The following AFP variants were observed in gnomAD, a reference collection of about 807,000 sequenced individuals.
AFP encodes alpha fetoprotein.
A neutral mutation model predicts 78.9 loss-of-function variants in AFP; 64 were observed. The ratio of observed to expected loss-of-function variants is 0.81; its 90% CI spans 0.66 to 1.00. The LOEUF is 1.00. Among genes scored for constraint, AFP ranks in the 50% least tolerant of loss-of-function variants. The probability of loss-of-function intolerance (pLI) is 0.00; values close to 1 mark genes in which losing one functional copy is unlikely to be tolerated. For missense variants in AFP, 689 were observed against 703.8 expected (o/e 0.98, Z 0.24); for synonymous variants, 254 against 243.8 (o/e 1.04, Z -0.39).
intron 10 of AFP, among the ~76,000 whole-genome samples, chr4:73,450,361 C>T (rs543807380): frequency 1.3e-3 from 195 of 152,184 alleles, no homozygotes; most frequent in African/African-American, 4.4e-3. Context: ...AATGAAGCTC[C>T]GAGGTTGAGA....
intron 11 of AFP, among the ~76,000 whole-genome samples, chr4:73,451,285 A>G (rs1159113383): frequency 6.6e-6 from 1 of 152,212 alleles, no homozygotes; most frequent in African/African-American, 2.4e-5. Context: ...CTGAATAGTA[A>G]AATGACTTTC....
At chr4:73,437,073 C>A (rs1271079037) in intron 1 of AFP, 87 bp from the exon 2 acceptor site, 38 of 1,040,258 alleles carry the variant, frequency 3.7e-5, no homozygotes, top group Non-Finnish European at 5.7e-5. Context: ...ACAGTTCTAA[C>A]TGAAACACAA....
chr4:73,436,918 G>A (rs1057390083), intron 1 of AFP, among the ~76,000 whole-genome samples: 2 of 151,766 alleles, frequency 1.3e-5, no homozygotes, highest in Non-Finnish European at 2.9e-5. Context: ...CCAAACAACT[G>A]GAAGACAAAA....
intron 10 of AFP, 130 bp from the exon 11 acceptor site, chr4:73,450,485 C>T: frequency 7.4e-7 from 1 of 1,343,286 alleles, no homozygotes; most frequent in South Asian, 1.2e-5. Flanking sequence ...GTTCAAATAC[C>T]ATGTAGATGA....
chr4:73,446,940 G>A (rs1019182280), intron 7 of AFP, among the ~76,000 whole-genome samples: 7 of 152,092 alleles, frequency 4.6e-5, no homozygotes, highest in African/African-American at 1.2e-4. Context: ...CACTAAAACG[G>A]GAGACAAGTT....
chr4:73,440,743 C>G lies in AFP; in HGVS notation c.412C>G (p.Leu138Val), dbSNP rs752874579. ...AAAGCCCACTCCAGCATCGATCCCACTTTTCCAAGTTCCAGAACCTGTCAC... is the reference window on the plus strand; with the variant it reads ...AAAGCCCACTCCAGCATCGATCCCAGTTTTCCAAGTTCCAGAACCTGTCAC... ...HKKPTPASIP[L>V]FQVPEPVTSC... Residue 138 changes from leucine to valine, a missense_variant, in exon 4 of 15, where the codon CTT becomes GTT. By Grantham distance (32) the Leu-to-Val change is conservative. Transcript: ENST00000395792. The G allele has an allele frequency of 6.2e-7, 1 of 1,614,184 alleles. No individual in the cohort carries two copies. The highest frequency in any genetic ancestry group is 8.5e-7 in the Non-Finnish European group (1 of 1,180,034).
chr4:73,438,265 C>T lies in AFP; in HGVS notation c.229C>T (p.Pro77Ser). 6.2e-7 allele frequency: 1 copy of T among 1,613,360 alleles called. No individual in the cohort carries two copies. The highest frequency in any genetic ancestry group is 8.5e-7 in the Non-Finnish European group (1 of 1,179,516). Reference sequence around the variant, plus strand: ...AGATGCATTGACTGCAATTGAGAAACCCACTGGAGATGAACAGTCTTCAGG... The same window carrying T: ...AGATGCATTGACTGCAATTGAGAAATCCACTGGAGATGAACAGTCTTCAGG... ...VKDALTAIEK[P>S]TGDEQSSGCL... The change falls in exon 3 of 15, where the codon CCC becomes TCC. Residue 77 changes from proline (P) to serine (S), a missense_variant. Coordinates refer to ENST00000395792, the MANE Select transcript of AFP (RefSeq NM_001134.3).
intron 3 of AFP, among the ~76,000 whole-genome samples, chr4:73,440,302 T>A (rs1719621328): frequency 6.6e-6 from 1 of 152,114 alleles, no homozygotes; most frequent in Non-Finnish European, 1.5e-5. Flanking sequence ...AGTTTATATA[T>A]CCTAGTCCAA....
chr4:73,445,783 A>G (rs1387815487), intron 7 of AFP, among the ~76,000 whole-genome samples: 1 of 152,226 alleles, frequency 6.6e-6, no homozygotes, highest in Admixed American at 6.5e-5. Context: ...AGAAAACAAA[A>G]TTTAAAAAAC....
At chr4:73,445,149 A>T in intron 7 of AFP, 27 bp downstream of exon 7, 1 of 1,612,708 alleles carries the variant, frequency 6.2e-7, no homozygotes, top group Non-Finnish European at 8.5e-7. Context: ...CTTAAAATAG[A>T]AGATTTTCAC....
intron 2 of AFP, among the ~76,000 whole-genome samples, chr4:73,437,861 T>C (rs1367373821): frequency 6.6e-6 from 1 of 151,728 alleles, no homozygotes; most frequent in Non-Finnish European, 1.5e-5. Context: ...CCATAAAGAA[T>C]ATAGATACCC....
intron 8 of AFP, among the ~76,000 whole-genome samples, chr4:73,448,482 A>G (rs1374587782): frequency 6.6e-6 from 1 of 152,182 alleles, no homozygotes; most frequent in Non-Finnish European, 1.5e-5. Flanking sequence ...ATATTACTCT[A>G]TTATTGCATT....
At chr4:73,446,984 A>T (rs1719848802) in intron 7 of AFP, among the ~76,000 whole-genome samples, 1 of 152,042 alleles carries the variant, frequency 6.6e-6, no homozygotes, top group Admixed American at 6.6e-5. Context: ...TCACGTTCTC[A>T]CTCTATTTGC....
At chr4:73,449,174 A>C (rs1469897795) in intron 8 of AFP, among the ~76,000 whole-genome samples, 161 bp from the exon 9 acceptor site, 1 of 152,186 alleles carries the variant, frequency 6.6e-6, no homozygotes, top group African/African-American at 2.4e-5. Flanking sequence ...CTGTATTAAC[A>C]GTTTTGCCAT....
chr4:73,438,099 T>C, intron 2 of AFP, 75 bp from the exon 3 acceptor site: 3 of 1,578,824 alleles, frequency 1.9e-6, no homozygotes, highest in Non-Finnish European at 2.6e-6. Context: ...AACAAACAAA[T>C]GAAAAACTAT....
intron 6 of AFP, 36 bp from the exon 7 acceptor site, chr4:73,444,957 C>T (rs781498877): frequency 3.2e-6 from 5 of 1,545,592 alleles, no homozygotes; most frequent in Non-Finnish European, 4.4e-6. Context: ...GACAGATAAC[C>T]AAGAAATTAA....
intron 6 of AFP, 86 bp downstream of exon 6, chr4:73,443,530 G>A (rs1045986830): frequency 4.7e-5 from 48 of 1,032,130 alleles, no homozygotes; most frequent in Non-Finnish European, 6.8e-5. Flanking sequence ...AATTGTTGCT[G>A]TTTTAGAGAA....
At chr4:73,438,374 C>G (rs1719571670) in intron 3 of AFP, 68 bp downstream of exon 3, 2 of 1,513,176 alleles carry the variant, frequency 1.3e-6, no homozygotes, top group Admixed American at 4.0e-5. Context: ...AGAGAAGATA[C>G]AAAAATAGCA....
rs1275041353 is a variant in AFP, at chr4:73,448,982, G to A, written c.1059-353G>A. Among the ~76,000 whole-genome samples the A allele has an allele frequency of 3.9e-5, 6 of 152,072 alleles. No homozygotes were observed. In the East Asian group the frequency reaches 1.2e-3, roughly 29 times the overall value. ...CTCCCTATAATGTGTGCTTTTCAGAGGGCAGGTATTTATCTTAGACATCAT... is the reference window on the plus strand; with the variant it reads ...CTCCCTATAATGTGTGCTTTTCAGAAGGCAGGTATTTATCTTAGACATCAT... On this transcript the variant is annotated intron_variant, in intron 8 of 14. Transcript: ENST00000395792.
Sources: gnomAD v4.1 joint callset for allele counts (sites outside exome capture counted in the v4.1 genomes callset) on GRCh38, gnomAD v4.1.1 for gene constraint, MANE v1.5 for transcripts, NCBI Gene and HGNC (gene_info 2026-07-23, HGNC 2026-07-21) for gene names.